The following VAV3 variants were observed in gnomAD, a reference collection of about 807,000 sequenced individuals.
VAV3 encodes the protein vav guanine nucleotide exchange factor 3, also known as guanine nucleotide exchange factor VAV3.
Under a neutral mutation model 131.2 loss-of-function variants are expected in VAV3, and 94 were observed. The ratio of observed to expected loss-of-function variants is 0.72; its 90% CI spans 0.61 to 0.85. The LOEUF is 0.85. Ranked by LOEUF, VAV3 falls within the 40% of genes least tolerant of loss-of-function variation. The probability of loss-of-function intolerance (pLI) is 0.00; values close to 1 mark genes in which losing one functional copy is unlikely to be tolerated. For synonymous variants in VAV3, 349 were observed against 342.0 expected (o/e 1.02, Z -0.22); for missense variants, 939 against 1,002.7 (o/e 0.94, Z 0.86).
intron 15 of VAV3, among the ~76,000 whole-genome samples, chr1:107,717,506 A>G (rs1314659424): frequency 1.3e-5 from 2 of 152,194 alleles, no homozygotes; most frequent in African/African-American, 4.8e-5. Context: ...CCCAGGAGTC[A>G]TTCAGGAGCA....
intron 25 of VAV3, among the ~76,000 whole-genome samples, chr1:107,576,632 A>G (rs1649670188): frequency 6.6e-6 from 1 of 152,230 alleles, no homozygotes; most frequent in African/African-American, 2.4e-5. Flanking sequence ...GTATTTTGCA[A>G]TTCAGAGCTG....
chr1:107,642,380 G>A (rs1474943546), intron 20 of VAV3, among the ~76,000 whole-genome samples: 1 of 152,116 alleles, frequency 6.6e-6, no homozygotes. Flanking sequence ...CTAAAAAGGG[G>A]AGACATGAAT....
intron 5 of VAV3, among the ~76,000 whole-genome samples, chr1:107,771,884 G>C (rs1034165352): frequency 6.6e-5 from 10 of 152,222 alleles, no homozygotes; most frequent in Non-Finnish European, 1.3e-4. Context: ...TGGGCTGTCA[G>C]CCTATGCAAT....
At chr1:107,698,301 C>A (rs918161764) in intron 17 of VAV3, among the ~76,000 whole-genome samples, 15 of 152,100 alleles carry the variant, frequency 9.9e-5, no homozygotes, top group Non-Finnish European at 1.5e-4. Flanking sequence ...AGCAACATGC[C>A]CAATGAGACT....
At chr1:107,742,613 CCAAA>C (rs2102024821) in intron 15 of VAV3, among the ~76,000 whole-genome samples, 1 of 152,314 alleles carries the variant, frequency 6.6e-6, no homozygotes, top group South Asian at 2.1e-4. Context: ...CTTACTCACA[CCAAA>C]CAAACCCAAT....
chr1:107,947,741 T>C (rs993324235), intron 1 of VAV3, among the ~76,000 whole-genome samples: 6 of 152,208 alleles, frequency 3.9e-5, no homozygotes, highest in Admixed American at 2.0e-4. Context: ...GGCAGAATAT[T>C]ATAATTTTTT....
intron 19 of VAV3, chr1:107,668,676 G>A (rs1406193871): frequency 1.0e-6 from 1 of 985,208 alleles, no homozygotes; most frequent in African/African-American, 1.7e-5. Flanking sequence ...CTACAGGCGT[G>A]GTCCCAGGAA....
intron 1 of VAV3, among the ~76,000 whole-genome samples, chr1:107,948,534 T>A (rs1225608425): frequency 6.6e-6 from 1 of 152,150 alleles, no homozygotes; most frequent in East Asian, 1.9e-4. Context: ...GCACTATAAT[T>A]GTATATAACT....
chr1:107,808,078 C>T (rs549753925), intron 2 of VAV3, among the ~76,000 whole-genome samples: 20 of 152,230 alleles, frequency 1.3e-4, no homozygotes, highest in African/African-American at 2.9e-4. Flanking sequence ...ACGATGCTTT[C>T]TACATACATA....
chr1:107,735,312 G>T (rs1662539353), intron 15 of VAV3, among the ~76,000 whole-genome samples: 1 of 152,088 alleles, frequency 6.6e-6, no homozygotes, highest in African/African-American at 2.4e-5. Flanking sequence ...AGAAGCAAGA[G>T]CAAACACATT....
At chr1:107,607,929 T>G (rs558964475) in intron 22 of VAV3, among the ~76,000 whole-genome samples, 1 of 152,262 alleles carries the variant, frequency 6.6e-6, no homozygotes, top group South Asian at 2.1e-4. Context: ...CTCTAAATAG[T>G]TTAGTATTTC....
intron 15 of VAV3, among the ~76,000 whole-genome samples, chr1:107,725,813 G>A (rs1043647270): frequency 2.6e-5 from 4 of 152,084 alleles, no homozygotes; most frequent in Non-Finnish European, 2.9e-5. Flanking sequence ...GTGCCCAGAT[G>A]GCAAATTTCA....
At chr1:107,724,537 GA>G (rs1661711526) in intron 15 of VAV3, among the ~76,000 whole-genome samples, 1 of 152,144 alleles carries the variant, frequency 6.6e-6, no homozygotes, top group African/African-American at 2.4e-5. Flanking sequence ...ATAGAGACAT[GA>G]AAAGAAGTAA....
chr1:107,584,705 C>G (rs1650351173), intron 25 of VAV3, among the ~76,000 whole-genome samples: 5 of 152,132 alleles, frequency 3.3e-5, no homozygotes, highest in Admixed American at 2.0e-4. Context: ...ACAAGGAAAA[C>G]TTATGTCTAG....
chr1:107,751,365 G>A (rs41278460), intron 12 of VAV3, among the ~76,000 whole-genome samples, 163 bp from the exon 13 acceptor site: 121 of 152,248 alleles, frequency 7.9e-4, no homozygotes, highest in Non-Finnish European at 1.0e-4. Flanking sequence ...AGGTCTACAT[G>A]ACAAATAAGT....
At chr1:107,668,958 T>C in intron 19 of VAV3, 1 of 990,740 alleles carries the variant, frequency 1.0e-6, no homozygotes, top group Non-Finnish European at 1.2e-6. Flanking sequence ...TCTCTTCAAC[T>C]CTTTCGCGAT....
rs763184927 is a variant in VAV3 at position 107,874,965 on chromosome 1, A to T, written c.257T>A (p.Phe86Tyr). The T allele has an allele frequency of 1.2e-6, 2 of 1,613,326 alleles. No individual in the cohort carries two copies. Among genetic ancestry groups the T allele is most frequent in the Admixed American group, 3.3e-5 (2 of 59,922 alleles). ...GAAAAGTTCACTTTTCCTCATTCCA[A>T]ACGTCTCACAACAGGCCGTGAGAAA... ...RTFLTACCET[F>Y]GMRKSELFEA... Residue 86 changes from phenylalanine (F) to tyrosine (Y), a missense_variant, in exon 2 of 27, where the codon TTT becomes TAT. Coordinates refer to ENST00000370056, the MANE Select transcript of VAV3 (RefSeq NM_006113.5).
intron 19 of VAV3, chr1:107,669,594 C>T: frequency 8.9e-7 from 1 of 1,124,162 alleles, no homozygotes; most frequent in Non-Finnish European, 1.1e-6. Context: ...ACTAGAGCCT[C>T]CTTTTCTTGC....
intron 1 of VAV3, among the ~76,000 whole-genome samples, chr1:107,925,883 A>AATATATAACATATATGATATATATGTTAC (rs1324541409): frequency 6.8e-5 from 7 of 102,914 alleles, no homozygotes; most frequent in African/African-American, 1.8e-4. Flanking sequence ...GTCACATATA[A>AATATATAACATATATGATATATATGTTAC]ATATATAACA....
Sources: gnomAD v4.1 joint callset for allele counts (sites outside exome capture counted in the v4.1 genomes callset) on GRCh38, gnomAD v4.1.1 for gene constraint, MANE v1.5 for transcripts, NCBI Gene and HGNC (gene_info 2026-07-23, HGNC 2026-07-21) for gene names.